The following LRP1B variants were observed in gnomAD, a reference collection of about 807,000 sequenced individuals.
LRP1B encodes LDL receptor related protein 1B.
Under a neutral mutation model 556.6 loss-of-function variants are expected in LRP1B, and 217 were observed. That is an observed-to-expected ratio of 0.39 (90% CI 0.35 to 0.44). The LOEUF (loss-of-function observed/expected upper bound fraction) is 0.44, where lower values mean the gene tolerates loss of function less well. Among genes scored for constraint, LRP1B ranks in the 20% least tolerant of loss-of-function variants. LRP1B has a pLI of 1.00. For missense variants in LRP1B, 5,053 were observed against 5,620.8 expected (o/e 0.90, Z 3.23); for synonymous variants, 2,047 against 1,865.8 (o/e 1.10, Z -2.50).
intron 41 of LRP1B, among the ~76,000 whole-genome samples, chr2:140,658,051 A>G (rs1208784488): frequency 2.0e-5 from 3 of 152,156 alleles, no homozygotes; most frequent in Admixed American, 2.0e-4. Context: ...TCACACATTC[A>G]TAAGTTAATA....
intron 83 of LRP1B, among the ~76,000 whole-genome samples, chr2:140,310,702 A>T (rs1267588282): frequency 6.6e-6 from 1 of 151,880 alleles, no homozygotes; most frequent in East Asian, 1.9e-4. Flanking sequence ...CACATGCAGA[A>T]GAATGAAATT....
chr2:141,508,087 C>CCCT (rs1553523420), intron 2 of LRP1B, among the ~76,000 whole-genome samples: 1 of 47,978 alleles, frequency 2.1e-5, no homozygotes, highest in Non-Finnish European at 5.2e-5. Flanking sequence ...CTCCATCCCC[C>CCCT]CCCCAAAAAA....
At position 142,106,700 on chromosome 2, in the gene LRP1B, G is replaced by T. The variant is rs556845641; in HGVS notation, c.82+23948C>A. Among the ~76,000 whole-genome samples, 4 of 152,182 alleles carry T rather than the reference G, an allele frequency of 2.6e-5. No homozygotes were observed. The South Asian group carries it at 8.3e-4, about 32-fold the overall frequency. ...AAAATGCTGGAGCAATTTAATATGA[G>T]GTTAAGACAAAGTCTAGAGTATAAT... On this transcript the variant is annotated intron_variant, in intron 1 of 90. Transcript: ENST00000389484.
Position 141,740,628 on chromosome 2 carries a change from A to G in LRP1B, c.205+69651T>C, listed in dbSNP as rs76994084. ...CTTTCAGTTATTTAAAAATATACAC[A>G]TAAATTATTTTTTACTATAGTCGCC... On this transcript the variant is annotated intron_variant, in intron 2 of 90. Transcript: ENST00000389484. 4.9e-3 allele frequency among the ~76,000 whole-genome samples: 742 copies of G among 152,282 alleles called. 3 individuals are homozygous for G. The highest frequency in any genetic ancestry group is 0.017 in the African/African-American group (694 of 41,578).
intron 3 of LRP1B, among the ~76,000 whole-genome samples, chr2:141,413,332 A>G (rs1279838953): frequency 6.6e-6 from 1 of 152,208 alleles, no homozygotes; most frequent in Non-Finnish European, 1.5e-5. Flanking sequence ...AGCTGTGGTC[A>G]GAGGCAGATG....
chr2:140,504,842 C>T (rs925534043), intron 53 of LRP1B, among the ~76,000 whole-genome samples: 3 of 152,158 alleles, frequency 2.0e-5, no homozygotes, highest in Non-Finnish European at 2.9e-5. Flanking sequence ...CACAATAACC[C>T]CCTAACTAGT....
intron 43 of LRP1B, among the ~76,000 whole-genome samples, chr2:140,581,224 C>T (rs1158294584): frequency 2.6e-5 from 4 of 152,124 alleles, no homozygotes; most frequent in African/African-American, 7.2e-5. Flanking sequence ...GACACTTTAA[C>T]GAAGGTAACA....
At chr2:141,840,961 G>C (rs752037271) in intron 1 of LRP1B, among the ~76,000 whole-genome samples, 7 of 149,004 alleles carry the variant, frequency 4.7e-5, no homozygotes, top group African/African-American at 1.7e-4. Context: ...GTGGTGCTTT[G>C]TTTTTAAGAG....
At chr2:141,894,838 T>C (rs891801929) in intron 1 of LRP1B, among the ~76,000 whole-genome samples, 4 of 151,478 alleles carry the variant, frequency 2.6e-5, no homozygotes, top group African/African-American at 7.3e-5. Context: ...TCACTTTAAG[T>C]TGGGAGTTCG....
At chr2:140,707,419 C>T (rs180905642) in intron 37 of LRP1B, among the ~76,000 whole-genome samples, 126 of 152,034 alleles carry the variant, frequency 8.3e-4, no homozygotes, top group African/African-American at 2.8e-3. Context: ...AAAAAGAAAG[C>T]CAAATAAAAA....
intron 7 of LRP1B, among the ~76,000 whole-genome samples, chr2:141,172,379 C>A (rs183812411): frequency 5.9e-5 from 9 of 152,140 alleles, no homozygotes; most frequent in Non-Finnish European, 1.5e-5. Context: ...TTAATAAGAC[C>A]ACTTTCCAGA....
At chr2:141,673,166 A>G (rs185071579) in intron 2 of LRP1B, among the ~76,000 whole-genome samples, 96 of 152,322 alleles carry the variant, frequency 6.3e-4, no homozygotes, top group Admixed American at 1.4e-3. Flanking sequence ...GAAGTAATTT[A>G]ATCCATTCTT....
intron 21 of LRP1B, among the ~76,000 whole-genome samples, chr2:140,913,098 C>G (rs966859200): frequency 7.9e-5 from 12 of 151,594 alleles, no homozygotes; most frequent in African/African-American, 2.7e-4. Context: ...TATTATAATG[C>G]CTTTTTGAAC....
At chr2:141,965,713 A>T (rs1467255151) in intron 1 of LRP1B, among the ~76,000 whole-genome samples, 1 of 145,030 alleles carries the variant, frequency 6.9e-6, no homozygotes, top group African/African-American at 2.5e-5. Flanking sequence ...AACCTGCACA[A>T]TGTGCACATG....
intron 11 of LRP1B, among the ~76,000 whole-genome samples, chr2:141,043,215 A>C (rs1698758457): frequency 5.2e-5 from 1 of 19,282 alleles, no homozygotes; most frequent in African/African-American, 1.5e-4. Flanking sequence ...AAAAAATAAA[A>C]TAAAATAAAT....
rs142410470 is a variant in LRP1B at position 141,870,402 on chromosome 2, T to C, written c.83-60001A>G. Among the ~76,000 whole-genome samples, 743 of 152,004 alleles carry C rather than the reference T, an allele frequency of 4.9e-3. 5 individuals are homozygous for C. The highest frequency in any genetic ancestry group is 8.7e-3 in the Non-Finnish European group (590 of 67,858). On this transcript the variant is annotated intron_variant, in intron 1 of 90. Transcript: ENST00000389484. Reference sequence around the variant, plus strand: ...CACTCTGGGGTTTCAATAAGTTCAATGGTTAAGGAAACACTAGTCATCATT... The same window carrying C: ...CACTCTGGGGTTTCAATAAGTTCAACGGTTAAGGAAACACTAGTCATCATT...
chr2:140,431,771 A>G (rs190874895), intron 66 of LRP1B, among the ~76,000 whole-genome samples: 79 of 152,172 alleles, frequency 5.2e-4, no homozygotes, highest in African/African-American at 1.9e-3. Context: ...TAAATGACAA[A>G]TGTTTCTTCT....
intron 20 of LRP1B, among the ~76,000 whole-genome samples, chr2:140,939,885 ATTTTTTTT>A (rs3063651): frequency 1.5e-5 from 2 of 132,652 alleles, no homozygotes; most frequent in African/African-American, 5.7e-5. Context: ...ATTTGGTGTA[ATTTTTTTT>A]TTTTTTTTTT....
intron 1 of LRP1B, among the ~76,000 whole-genome samples, chr2:141,969,108 TTC>T (rs897079026): frequency 6.6e-6 from 1 of 150,872 alleles, no homozygotes; most frequent in Non-Finnish European, 1.5e-5. Context: ...TTCTAGTTGT[TTC>T]TGTTTTTTTT....
Sources: allele counts gnomAD v4.1 joint callset (sites outside exome capture counted in the v4.1 genomes callset), GRCh38; gene constraint gnomAD v4.1.1; transcripts MANE v1.5; gene names NCBI Gene and HGNC (gene_info 2026-07-23, HGNC 2026-07-21).